PTPRE: variants seen among roughly 807,000 people sequenced by gnomAD.
The protein encoded by PTPRE is receptor-type tyrosine-protein phosphatase epsilon.
Under a neutral mutation model 102.0 loss-of-function variants are expected in PTPRE, and 51 were observed. The observed-to-expected ratio is 0.50, with a 90% CI of 0.40 to 0.63. PTPRE has a LOEUF of 0.63. Ranked by LOEUF, PTPRE falls within the 30% of genes least tolerant of loss-of-function variation. The pLI, the probability that PTPRE is intolerant of heterozygous loss-of-function variation, is 0.00. For synonymous variants in PTPRE, 345 were observed against 348.2 expected, an observed-to-expected ratio of 0.99 and a Z score of 0.10; for missense variants, 752 against 915.1, an observed-to-expected ratio of 0.82 and a Z score of 2.30.
At chr10:128,024,435 C>G (rs181093671) in intron 2 of PTPRE, among the ~76,000 whole-genome samples, 2 of 152,322 alleles carry the variant, frequency 1.3e-5, no homozygotes, top group African/African-American at 4.8e-5. Flanking sequence ...GTGTCTCCAG[C>G]TATCTGTGGG....
intron 4 of PTPRE, 81 bp downstream of exon 4, chr10:128,047,570 G>A: frequency 6.2e-7 from 1 of 1,611,824 alleles, no homozygotes. Context: ...GGCGTGGGCT[G>A]TGCAGCAGAG....
chr10:127,967,195 T>C (rs1850320462), intron 1 of PTPRE, among the ~76,000 whole-genome samples: 1 of 152,232 alleles, frequency 6.6e-6, no homozygotes, highest in Non-Finnish European at 1.5e-5. Context: ...ACAAATTAAA[T>C]TAATGAATTT....
At chr10:127,959,824 C>A (rs955690612) in intron 1 of PTPRE, among the ~76,000 whole-genome samples, 6 of 152,156 alleles carry the variant, frequency 3.9e-5, no homozygotes, top group African/African-American at 1.4e-4. Context: ...ACCCACCTTG[C>A]AGGCTGCTTG....
intron 20 of PTPRE, among the ~76,000 whole-genome samples, chr10:128,082,525 G>GTT (rs528015137): frequency 1.0e-4 from 15 of 144,530 alleles, no homozygotes; most frequent in African/African-American, 3.3e-4. Context: ...CTGGTTTTTT[G>GTT]TTTTTTTTTT....
rs768793576 is a variant in PTPRE at position 128,066,130 on chromosome 10, G to A, written c.779G>A (p.Arg260Gln). 2.2e-5 allele frequency: 36 copies of A among 1,614,106 alleles called. No individual in the cohort carries two copies. The highest frequency in any genetic ancestry group is 4.5e-5 in the East Asian group (2 of 44,900). The change falls in exon 11 of 21, where the codon CGG becomes CAG. Residue 260 changes from arginine (R) to glutamine (Q), a missense_variant. Physicochemically the swap from Arg to Gln is conservative, Grantham distance 43. Around this residue, in one of 2 missense-constraint regions of PTPRE, gnomAD observed 636 missense variants for 824.4 expected, o/e 0.77. Coordinates refer to ENST00000254667, the MANE Select transcript of PTPRE (RefSeq NM_006504.6). ...GGCTGCTGGACCTATGGAAACATCC[G>A]GGTGTGCGTGGAGGACTGCGTGGTT... ...DQGCWTYGNI[R>Q]VCVEDCVVLV...
At chr10:128,059,018 C>T (rs938291753) in intron 7 of PTPRE, among the ~76,000 whole-genome samples, 1 of 152,176 alleles carries the variant, frequency 6.6e-6, no homozygotes, top group African/African-American at 2.4e-5. Context: ...AAAGTGCCAA[C>T]AGCTGATAAT....
intron 1 of PTPRE, among the ~76,000 whole-genome samples, chr10:127,979,701 T>G (rs1039824418): frequency 2.6e-5 from 4 of 152,322 alleles, no homozygotes; most frequent in Admixed American, 2.0e-4. Context: ...GCTGCAAGTT[T>G]AATTTCAAGT....
rs1354850199 is a variant in PTPRE at position 127,922,619 on chromosome 10, C to G, written c.-31+15310C>G. On this transcript the variant is annotated intron_variant, in intron 1 of 20. Coordinates refer to ENST00000254667, the MANE Select transcript of PTPRE (RefSeq NM_006504.6). ...GCCCAGCTCTCTGCTCCACAGAACC[C>G]CATCTGCCACACATGATACCACTTT... Among the ~76,000 whole-genome samples, 11 of 152,204 alleles carry G rather than the reference C, an allele frequency of 7.2e-5. No homozygotes were observed. In the East Asian group the frequency reaches 1.9e-3, roughly 27 times the overall value.
At chr10:127,984,143 G>A (rs1049924169) in intron 2 of PTPRE, among the ~76,000 whole-genome samples, 12 of 148,888 alleles carry the variant, frequency 8.1e-5, no homozygotes, top group Non-Finnish European at 1.8e-4. Flanking sequence ...GTGTGATGGC[G>A]TGATCTCGGC....
chr10:128,050,751 A>G (rs1848507259), intron 6 of PTPRE, among the ~76,000 whole-genome samples: 1 of 152,166 alleles, frequency 6.6e-6, no homozygotes, highest in Non-Finnish European at 1.5e-5. Context: ...GGCAATGGAG[A>G]TGGGCCTGTC....
At chr10:127,925,056 GC>G (rs1324261620) in intron 1 of PTPRE, among the ~76,000 whole-genome samples, 4 of 152,206 alleles carry the variant, frequency 2.6e-5, no homozygotes, top group Non-Finnish European at 4.4e-5. Context: ...TGGCAATTTT[GC>G]CCCATCTTAC....
At chr10:128,010,571 C>CTT (rs1554919802) in intron 2 of PTPRE, among the ~76,000 whole-genome samples, 7 of 146,578 alleles carry the variant, frequency 4.8e-5, no homozygotes, top group African/African-American at 1.9e-4. Context: ...CTTTTCTTTT[C>CTT]TTTTCTTTTC....
At chr10:128,026,096 T>G (rs73382085) in intron 2 of PTPRE, among the ~76,000 whole-genome samples, 15,603 of 152,076 alleles carry the variant, frequency 0.1, 1,144 homozygotes, top group African/African-American at 0.2. Context: ...CATGCAGGCA[T>G]GGTGGGTGGC....
chr10:127,985,065 A>C (rs2135479287), intron 2 of PTPRE, among the ~76,000 whole-genome samples: 1 of 152,306 alleles, frequency 6.6e-6, no homozygotes, highest in Non-Finnish European at 1.5e-5. Context: ...GTCAGTTAGA[A>C]CTAAAAAGAT....
chr10:128,059,592 C>T (rs1849339486), intron 7 of PTPRE, among the ~76,000 whole-genome samples: 1 of 152,184 alleles, frequency 6.6e-6, no homozygotes, highest in Non-Finnish European at 1.5e-5. Context: ...GAAGGAGACC[C>T]TAAGCTTCTA....
intron 1 of PTPRE, among the ~76,000 whole-genome samples, chr10:127,971,524 A>G (rs1564838683): frequency 6.6e-6 from 1 of 152,166 alleles, no homozygotes; most frequent in Non-Finnish European, 1.5e-5. Flanking sequence ...AGCCCCATGC[A>G]TGGTGCCCTG....
intron 1 of PTPRE, among the ~76,000 whole-genome samples, chr10:127,919,324 C>T (rs561194411): frequency 1.3e-4 from 20 of 152,192 alleles, no homozygotes; most frequent in Non-Finnish European, 2.5e-4. Context: ...TTAAATTCTA[C>T]CCTTGCGCTT....
At chr10:128,067,242 A>G (rs1239564065) in intron 11 of PTPRE, among the ~76,000 whole-genome samples, 9 of 150,160 alleles carry the variant, frequency 6.0e-5, no homozygotes, top group Non-Finnish European at 1.0e-4. Context: ...GCACACACGC[A>G]CACACATTCA....
chr10:127,936,882 T>A (rs931011006), intron 1 of PTPRE, among the ~76,000 whole-genome samples: 2 of 152,196 alleles, frequency 1.3e-5, no homozygotes, highest in Admixed American at 6.5e-5. Flanking sequence ...TGAGGATTTT[T>A]AATTCTAATT....
Sources: allele counts gnomAD v4.1 joint callset (sites outside exome capture counted in the v4.1 genomes callset), GRCh38; gene constraint gnomAD v4.1.1; regional missense constraint gnomAD v4.1.1; transcripts MANE v1.5; gene names NCBI Gene and HGNC (gene_info 2026-07-23, HGNC 2026-07-21).